PLEKHG5: variants seen among roughly 807,000 people sequenced by gnomAD.
The protein encoded by PLEKHG5 is pleckstrin homology domain-containing family G member 5.
In PLEKHG5, 52 loss-of-function variants were observed where a neutral mutation model predicts 103.8. That is an observed-to-expected ratio of 0.50 (90% CI 0.40 to 0.63). The LOEUF (loss-of-function observed/expected upper bound fraction) is 0.63. Among genes scored for constraint, PLEKHG5 ranks in the 30% least tolerant of loss-of-function variants. The pLI, the probability that PLEKHG5 is intolerant of heterozygous loss-of-function variation, is 0.00. For missense variants in PLEKHG5, 1,205 were observed against 1,347.6 expected, an observed-to-expected ratio of 0.89 and a Z score of 1.66; for synonymous variants, 592 against 575.5, an observed-to-expected ratio of 1.03 and a Z score of -0.41.
chr1:6,519,900 G>C, exon 1 of PLEKHG5: 1 of 329,036 alleles, frequency 3.0e-6, no homozygotes, highest in South Asian at 2.8e-5. Flanking sequence ...TGGAGGTGCC[G>C]TCCCTCCTTT....
intron 14 of PLEKHG5, 23 bp downstream of exon 14, chr1:6,470,712 C>T (rs1644544476): frequency 1.3e-6 from 2 of 1,551,244 alleles, no homozygotes; most frequent in South Asian, 1.2e-5. Flanking sequence ...GGGGGGACGG[C>T]TCCCGCTGGC....
In PLEKHG5 at chr1:6,469,122, TTCC is replaced by T. The variant is rs113541584; in HGVS notation, c.2166_2168del (p.Glu723del). On this transcript the variant is annotated inframe_deletion, in exon 19 of 21. Transcript: ENST00000377728. ...CAGCTGAAGTGCCACTGTCCTCGCC[TTCC>T]TCCTCCTCCTCCTCCTCCTCCTCTT... 0.069 allele frequency: 102,760 copies of T among 1,483,318 alleles called. 2,528 individuals are homozygous for T. Among genetic ancestry groups the T allele is most frequent in the African/African-American group, 0.18 (11,778 of 66,536 alleles). 91.9% of individuals were successfully genotyped at this position (1,483,318 alleles called of 1,614,324 possible).
upstream of PLEKHG5, among the ~76,000 whole-genome samples, chr1:6,500,531 C>A (rs1268829427): frequency 6.6e-6 from 1 of 151,444 alleles, no homozygotes; most frequent in African/African-American, 2.4e-5. Context: ...CCCCCCTCCG[C>A]TAAGCAAACC....
At chr1:6,508,482 T>A (rs1638387149) in intron 1 of PLEKHG5, among the ~76,000 whole-genome samples, 1 of 151,968 alleles carries the variant, frequency 6.6e-6, no homozygotes, top group African/African-American at 2.4e-5. Flanking sequence ...CCCCAGTGGG[T>A]CAGGGGAGGC....
rs1173896017 is a variant in PLEKHG5 at position 6,468,198 on chromosome 1, C to T, written c.2638G>A (p.Ala880Thr). 2 of 1,574,858 alleles carry T rather than the reference C, an allele frequency of 1.3e-6. No individual in the cohort carries two copies. The highest frequency in any genetic ancestry group is 3.5e-5 in the Admixed American group (2 of 57,240). Residue 880 changes from alanine to threonine, a missense_variant, in exon 20 of 21, where the codon GCC becomes ACC. Coordinates refer to ENST00000377728, the MANE Select transcript of PLEKHG5 (RefSeq NM_020631.6). ...PPHLLKSKSE[A>T]SLLQLLAGAG... ...CCTGCCAGCAGCTGGAGGAGGCTGG[C>T]CTCGGACTTAGACTTGAGCAGGTGG...
At chr1:6,496,993 C>T (rs1557766072), upstream of PLEKHG5, 1 of 1,528,128 alleles carries the variant, frequency 6.5e-7, no homozygotes, top group Non-Finnish European at 8.7e-7. Context: ...CAGAGGAGCC[C>T]CCGAAGGTCT....
Position 6,470,762 on chromosome 1 carries a change from C to G in PLEKHG5, c.1515G>C (p.Pro505=), listed in dbSNP as rs747066781. 1 of 1,563,556 alleles carries G rather than the reference C, an allele frequency of 6.4e-7. No homozygotes were observed. Among genetic ancestry groups the G allele is most frequent in the Admixed American group, 1.9e-5 (1 of 52,922 alleles). Residue 505 remains proline (P), a synonymous_variant, in exon 14 of 21, where the codon CCG becomes CCC. Coordinates refer to ENST00000377728, the MANE Select transcript of PLEKHG5 (RefSeq NM_020631.6). The stretch of plus-strand genomic sequence containing the variant: ...TGGCGACGACGGCCTCCTTGGCGCG[C>G]GGCTCCTCGGTCTTCCTCAGCACCG... The part of the protein sequence containing the change: ...LKSVLRKTEE[P]RAKEAVVAMI...
chr1:6,512,365 C>A (rs1638497625), intron 1 of PLEKHG5, among the ~76,000 whole-genome samples: 1 of 152,218 alleles, frequency 6.6e-6, no homozygotes, highest in African/African-American at 2.4e-5. Flanking sequence ...CCCAGATGTG[C>A]CCCCTGACTT....
At chr1:6,475,363 T>A in intron 4 of PLEKHG5, 99 bp downstream of exon 4, 1 of 1,057,284 alleles carries the variant, frequency 9.5e-7, no homozygotes, top group Non-Finnish European at 1.5e-6. Flanking sequence ...CACCCTGGGA[T>A]GCAGACCTCC....
chr1:6,467,372 T>C lies in PLEKHG5; in HGVS notation c.*191A>G. The C allele has an allele frequency of 1.4e-6, 1 of 733,964 alleles. No homozygotes were observed. The highest frequency in any genetic ancestry group is 1.8e-5 in the Admixed American group (1 of 55,350). The allele number at this position is 733,964 out of a possible 1,614,324, so 45.5% of individuals were successfully genotyped here. Reference sequence around the variant, plus strand: ...GCTGCCTGGGCAGGTGGGGTGGTACTGTGGCCTGGGCCTCCTCCACTCCAT... The same window carrying C: ...GCTGCCTGGGCAGGTGGGGTGGTACCGTGGCCTGGGCCTCCTCCACTCCAT... On this transcript the variant is annotated 3_prime_UTR_variant, in exon 21 of 21. Coordinates refer to ENST00000377728, the MANE Select transcript of PLEKHG5 (RefSeq NM_020631.6).
intron 1 of PLEKHG5, among the ~76,000 whole-genome samples, chr1:6,482,470 G>A (rs112300970): frequency 1.1e-4 from 16 of 152,312 alleles, no homozygotes; most frequent in African/African-American, 2.6e-4. Flanking sequence ...GGAGGAGGCC[G>A]GGAAGAATCT....
At position 6,474,083 on chromosome 1, in the gene PLEKHG5, G is replaced by A. The variant is rs1374927816; in HGVS notation, c.521C>T (p.Pro174Leu). 1 of 1,612,964 alleles carries A rather than the reference G, an allele frequency of 6.2e-7. No individual in the cohort carries two copies. Among genetic ancestry groups the A allele is most frequent in the Non-Finnish European group, 8.5e-7 (1 of 1,179,798 alleles). Residue 174 changes from proline to leucine, a missense_variant, in exon 7 of 21, where the codon CCA becomes CTA. Physicochemically the swap from Pro to Leu is moderately conservative, Grantham distance 98. Coordinates refer to ENST00000377728, the MANE Select transcript of PLEKHG5 (RefSeq NM_020631.6). ...CAGGGCGGGGGGCCCGGTCCCAGCT[G>A]GCCGCAGAATCGGCAAACTCAGGGA... is the stretch of plus-strand genomic sequence containing the variant. Reference protein sequence around the residue: ...SKSLSLPILRPAGTGPPALER... With the variant: ...SKSLSLPILRLAGTGPPALER...
chr1:6,502,291 G>A (rs746288309), intron 1 of PLEKHG5, among the ~76,000 whole-genome samples: 1 of 152,254 alleles, frequency 6.6e-6, no homozygotes, highest in Non-Finnish European at 1.5e-5. Flanking sequence ...TTCCCAAAGC[G>A]CCATGGGGCA....
Position 6,475,533 on chromosome 1 carries a change from G to A in PLEKHG5, c.150-11C>T, listed in dbSNP as rs369136414. 7 of 1,612,392 alleles carry A rather than the reference G, an allele frequency of 4.3e-6. No homozygotes were observed. Among genetic ancestry groups the A allele is most frequent in the Non-Finnish European group, 5.9e-6 (7 of 1,179,278 alleles). ...GTGCTCTTCCGGTCCCTGCAGGGAA[G>A]CGAGGAGGGCAGAGGCTGGAGGTGT... On this transcript the variant is annotated splice_polypyrimidine_tract_variant and intron_variant, in intron 3 of 20. Coordinates refer to ENST00000377728, the MANE Select transcript of PLEKHG5 (RefSeq NM_020631.6).
At chr1:6,500,397 G>A (rs887979547), upstream of PLEKHG5, among the ~76,000 whole-genome samples, 2 of 152,108 alleles carry the variant, frequency 1.3e-5, no homozygotes, top group African/African-American at 4.8e-5. Context: ...GGCCTCCTCT[G>A]CCTGCCCCGG....
At chr1:6,517,754 C>T (rs974933472) in intron 1 of PLEKHG5, among the ~76,000 whole-genome samples, 87 of 151,732 alleles carry the variant, frequency 5.7e-4, no homozygotes, top group African/African-American at 2.1e-3. Context: ...AGGCTCAGAT[C>T]TGACGACAAA....
chr1:6,469,901 G>C (rs886859598), intron 16 of PLEKHG5, among the ~76,000 whole-genome samples: 3 of 152,254 alleles, frequency 2.0e-5, no homozygotes, highest in Non-Finnish European at 2.9e-5. Context: ...TGGTGACTTT[G>C]AAGTCACCGT....
Position 6,470,493 on chromosome 1 carries a change from C to T in PLEKHG5, c.1680+13G>A. 1 of 1,610,722 alleles carries T rather than the reference C, an allele frequency of 6.2e-7. No homozygotes were observed. The highest frequency in any genetic ancestry group is 2.2e-5 in the East Asian group (1 of 44,866). ...TCTCCCAGCCGGCAACCCCCGCAGACACACACGCCCACCTTGTCCACTTCG... is the reference window on the plus strand; with the variant it reads ...TCTCCCAGCCGGCAACCCCCGCAGATACACACGCCCACCTTGTCCACTTCG... On this transcript the variant is annotated intron_variant, in intron 15 of 20. Transcript: ENST00000377728.
intron 12 of PLEKHG5, 64 bp downstream of exon 12, chr1:6,471,424 T>C: frequency 3.2e-6 from 5 of 1,541,568 alleles, no homozygotes; most frequent in Non-Finnish European, 4.4e-6. Flanking sequence ...GATCGGGCCG[T>C]GGAGGCTTTT....
Sources: allele counts gnomAD v4.1 joint callset (sites outside exome capture counted in the v4.1 genomes callset), GRCh38; gene constraint gnomAD v4.1.1; transcripts MANE v1.5; gene names NCBI Gene and HGNC (gene_info 2026-07-23, HGNC 2026-07-21).